The following OTOGL variants were observed in gnomAD, a reference collection of about 807,000 sequenced individuals.
OTOGL encodes the protein otogelin like.
In OTOGL, 285 loss-of-function variants were observed where a neutral mutation model predicts 318.5. The ratio of observed to expected loss-of-function variants is 0.89; its 90% CI spans 0.81 to 0.99. OTOGL has a LOEUF of 0.99. Ranked by LOEUF, OTOGL falls within the 50% of genes least tolerant of loss-of-function variation. The probability of loss-of-function intolerance (pLI) is 0.00; values close to 1 mark genes in which losing one functional copy is unlikely to be tolerated. For missense variants in OTOGL, 2,899 were observed against 2,845.6 expected (o/e 1.02, Z -0.43); for synonymous variants, 987 against 936.5 (o/e 1.05, Z -0.99).
intron 1 of OTOGL, chr12:80,208,323 T>A (rs1355397372): frequency 9.0e-6 from 4 of 445,442 alleles, no homozygotes; most frequent in African/African-American, 8.3e-5. Context: ...ATGTCAAGAA[T>A]ACTTAATAGA....
intron 1 of OTOGL, among the ~76,000 whole-genome samples, chr12:80,184,022 G>A (rs993939704): frequency 6.6e-6 from 1 of 152,054 alleles, no homozygotes; most frequent in Non-Finnish European, 1.5e-5. Context: ...TCTTCAAATA[G>A]GTCCCTTTTT....
rs115409889 is a variant in OTOGL, at chr12:80,322,446, G to A, written c.4082-1277G>A. Among the ~76,000 whole-genome samples the A allele has an allele frequency of 5.9e-3, 893 of 152,264 alleles. 10 individuals carry two copies. Among genetic ancestry groups the A allele is most frequent in the African/African-American group, 0.02 (834 of 41,538 alleles). On this transcript the variant is annotated intron_variant, in intron 34 of 58. Transcript: ENST00000547103. ...ACCTAGGAAACTCCAGGAGCCTATTGTAGTCTTGGAACCAGTCCTCTTTCA... is the reference window on the plus strand; with the variant it reads ...ACCTAGGAAACTCCAGGAGCCTATTATAGTCTTGGAACCAGTCCTCTTTCA...
At position 80,217,635 on chromosome 12, in the gene OTOGL, C is replaced by A; in HGVS notation, c.206C>A (p.Ala69Asp). Reference protein sequence around the residue: ...ATSPRYFFHDAINWGESKIKG... With the variant: ...ATSPRYFFHDDINWGESKIKG... ...TCTCCGAGATACTTTTTCCATGATGCTATTAATTGGGGTGAGAGCAAAATA... is the reference window on the plus strand; with the variant it reads ...TCTCCGAGATACTTTTTCCATGATGATATTAATTGGGGTGAGAGCAAAATA... Residue 69 changes from alanine to aspartate, a missense_variant, in exon 5 of 59, where the codon GCT becomes GAT. Ala to Asp is a moderately radical substitution (Grantham distance 126). Transcript: ENST00000547103. The A allele has an allele frequency of 6.4e-7, 1 of 1,555,408 alleles. No homozygotes were observed. Among genetic ancestry groups the A allele is most frequent in the South Asian group, 1.2e-5 (1 of 86,552 alleles).
intron 8 of OTOGL, among the ~76,000 whole-genome samples, chr12:80,230,263 A>C (rs540767573): frequency 1.3e-5 from 2 of 152,280 alleles, no homozygotes; most frequent in South Asian, 4.1e-4. Flanking sequence ...CAGAAAGGGC[A>C]GTGGAAAGAG....
intron 16 of OTOGL, 87 bp from the exon 17 acceptor site, chr12:80,256,250 C>A: frequency 1.4e-6 from 2 of 1,408,250 alleles, no homozygotes; most frequent in South Asian, 1.4e-5. Flanking sequence ...CTCCCCTTCT[C>A]CCTTTCTCCC....
At chr12:80,156,032 G>T (rs200957890) in intron 1 of OTOGL, among the ~76,000 whole-genome samples, 2 of 152,170 alleles carry the variant, frequency 1.3e-5, no homozygotes, top group Non-Finnish European at 2.9e-5. Flanking sequence ...CTAATACTGA[G>T]TGTCAACTTG....
chr12:80,115,923 G>A (rs2137088886), intron 1 of OTOGL, among the ~76,000 whole-genome samples: 1 of 152,288 alleles, frequency 6.6e-6, no homozygotes, highest in East Asian at 1.9e-4. Context: ...AGTGTCCCAA[G>A]TTGACTTCAG....
At position 80,123,134 on chromosome 12, in the gene OTOGL, A is replaced by G. The variant is rs1482990167; in HGVS notation, c.-20+23529A>G. Among the ~76,000 whole-genome samples the G allele has an allele frequency of 2.0e-5, 3 of 151,890 alleles. No homozygotes were observed. The East Asian group carries it at 5.8e-4, about 29-fold the overall frequency. ...GTGCCATGCTGGTGTGCTGCACCCA[A>G]TAACTCATCATTTAACATTAGGTAT... On this transcript the variant is annotated intron_variant, in intron 1 of 58. Coordinates refer to ENST00000547103, the MANE Select transcript of OTOGL (RefSeq NM_001378609.3).
chr12:80,288,288 C>T (rs1002585989), intron 26 of OTOGL, among the ~76,000 whole-genome samples: 2 of 152,112 alleles, frequency 1.3e-5, no homozygotes, highest in Non-Finnish European at 2.9e-5. Context: ...GATGAGTTTC[C>T]GTTTGTAGGT....
At chr12:80,264,089 T>G (rs1882760959) in intron 19 of OTOGL, among the ~76,000 whole-genome samples, 1 of 152,142 alleles carries the variant, frequency 6.6e-6, no homozygotes, top group African/African-American at 2.4e-5. Flanking sequence ...GTGAAAAAAC[T>G]GATCTCCAAC....
intron 1 of OTOGL, among the ~76,000 whole-genome samples, chr12:80,200,993 A>G (rs1280198454): frequency 1.3e-5 from 2 of 152,182 alleles, no homozygotes; most frequent in South Asian, 4.1e-4. Flanking sequence ...AGCAAGAAAT[A>G]GCTTTGCTCT....
chr12:80,227,097 C>A (rs1057505607), intron 7 of OTOGL, among the ~76,000 whole-genome samples: 9 of 152,118 alleles, frequency 5.9e-5, no homozygotes, highest in Middle Eastern at 6.8e-3. Flanking sequence ...TATTGGAGCT[C>A]TGGGGTGGAG....
chr12:80,375,215 A>G (rs1891113837), intron 57 of OTOGL, among the ~76,000 whole-genome samples: 1 of 152,184 alleles, frequency 6.6e-6, no homozygotes, highest in Non-Finnish European at 1.5e-5. Context: ...CTCTGTGTTG[A>G]ATAAAATCTG....
intron 1 of OTOGL, among the ~76,000 whole-genome samples, chr12:80,190,042 C>T (rs1018758362): frequency 5.9e-5 from 9 of 152,074 alleles, no homozygotes; most frequent in Non-Finnish European, 4.4e-5. Flanking sequence ...TTTTTGTAGC[C>T]GGCTGAAATA....
Position 80,328,676 on chromosome 12 carries a change from G to T in OTOGL, c.4211G>T (p.Cys1404Phe). ...ACKFLPPVEG[C>F]LPYCPKNMIL... Reference sequence around the variant, plus strand: ...TTTTCCATGTAAAGGGTTGAAGGATGCTTGCCCTACTGCCCTAAAAATATG... The same window carrying T: ...TTTTCCATGTAAAGGGTTGAAGGATTCTTGCCCTACTGCCCTAAAAATATG... Residue 1404 changes from cysteine (C) to phenylalanine (F), a missense_variant, in exon 36 of 59, where the codon TGC (cysteine) becomes TTC (phenylalanine). Physicochemically the swap from Cys to Phe is radical, Grantham distance 205. This residue lies in a region of OTOGL where 2,607 missense variants were observed against 2,524.9 expected (regional missense o/e 1.03). Transcript: ENST00000547103. 2 of 1,601,006 alleles carry T rather than the reference G, an allele frequency of 1.2e-6. No homozygotes were observed. Among genetic ancestry groups the T allele is most frequent in the Non-Finnish European group, 1.7e-6 (2 of 1,168,618 alleles).
chr12:80,229,154 A>G, intron 7 of OTOGL, 103 bp from the exon 8 acceptor site: 1 of 1,313,856 alleles, frequency 7.6e-7, no homozygotes, highest in South Asian at 1.4e-5. Context: ...GTAAAGTGTC[A>G]TGGGACTAAT....
chr12:80,103,376 T>C (rs1458975622), intron 1 of OTOGL: 1 of 989,324 alleles, frequency 1.0e-6, no homozygotes, highest in South Asian at 1.4e-5. Flanking sequence ...TTTTCTTTTC[T>C]TGCAGGCTTC....
intron 26 of OTOGL, among the ~76,000 whole-genome samples, chr12:80,279,493 T>G (rs972080758): frequency 1.3e-5 from 2 of 151,680 alleles, no homozygotes; most frequent in South Asian, 2.1e-4. Flanking sequence ...TTCCCCTCTT[T>G]GTTTCCATAT....
chr12:80,320,544 T>A lies in OTOGL; in HGVS notation c.3925T>A (p.Phe1309Ile). The change falls in exon 34 of 59, where the codon TTT (phenylalanine) becomes ATT (isoleucine). Residue 1309 changes from phenylalanine to isoleucine, a missense_variant. Phe to Ile is a conservative substitution (Grantham distance 21, BLOSUM62 0). Coordinates refer to ENST00000547103, the MANE Select transcript of OTOGL (RefSeq NM_001378609.3). ...TTCAGCCTTTCATCGGAGAGCAACATTTTTCCACCATCAGGGCCTCTGGAT... is the reference window on the plus strand; with the variant it reads ...TTCAGCCTTTCATCGGAGAGCAACAATTTTCCACCATCAGGGCCTCTGGAT... ...ANSAFHRRAT[F>I]FHHQGLWIPG... 1 of 1,613,560 alleles carries A rather than the reference T, an allele frequency of 6.2e-7. No homozygotes were observed. Among genetic ancestry groups the A allele is most frequent in the South Asian group, 1.1e-5 (1 of 91,056 alleles).
Sources: allele counts gnomAD v4.1 joint callset (sites outside exome capture counted in the v4.1 genomes callset), GRCh38; gene constraint gnomAD v4.1.1; regional missense constraint gnomAD v4.1.1; transcripts MANE v1.5; gene names NCBI Gene and HGNC (gene_info 2026-07-23, HGNC 2026-07-21).